MAP3K7CL: variants seen among roughly 807,000 people sequenced by gnomAD.
MAP3K7CL encodes MAP3K7 C-terminal-like protein.
In MAP3K7CL, 16 loss-of-function variants were observed where a neutral mutation model predicts 18.6. That is an observed-to-expected ratio of 0.86 (90% CI 0.58 to 1.31). The LOEUF is 1.31. Ranked by LOEUF, MAP3K7CL falls within the 50% of genes most tolerant of loss-of-function variation. The pLI is 0.00. For synonymous variants in MAP3K7CL, 65 were observed against 66.8 expected, an observed-to-expected ratio of 0.97 and a Z score of 0.13; for missense variants, 163 against 174.4, an observed-to-expected ratio of 0.93 and a Z score of 0.37.
chr21:29,095,193 C>T (rs574092083), intron 4 of MAP3K7CL, among the ~76,000 whole-genome samples: 2 of 151,898 alleles, frequency 1.3e-5, no homozygotes, highest in South Asian at 4.2e-4. Flanking sequence ...CACACCCCTG[C>T]ACCCACATGT....
chr21:29,135,050 C>CAA (rs147529791), intron 2 of MAP3K7CL, among the ~76,000 whole-genome samples: 96 of 117,998 alleles, frequency 8.1e-4, no homozygotes, highest in Non-Finnish European at 1.1e-3. Context: ...GACTCCATCT[C>CAA]AAAAAAAAAA....
intron 4 of MAP3K7CL, among the ~76,000 whole-genome samples, chr21:29,108,659 A>G (rs1404929921): frequency 6.6e-6 from 1 of 152,200 alleles, no homozygotes; most frequent in Non-Finnish European, 1.5e-5. Context: ...CCCCTCTCTG[A>G]GTCCCAGTAT....
At chr21:29,138,326 C>T (rs1180513018) in intron 2 of MAP3K7CL, among the ~76,000 whole-genome samples, 1 of 152,186 alleles carries the variant, frequency 6.6e-6, no homozygotes, top group Non-Finnish European at 1.5e-5. Flanking sequence ...TATTTCTAAA[C>T]TGGAAATTTC....
chr21:29,157,384 C>G (rs2087432985), intron 3 of MAP3K7CL, among the ~76,000 whole-genome samples: 1 of 152,138 alleles, frequency 6.6e-6, no homozygotes, highest in South Asian at 2.1e-4. Context: ...CTATATTGCT[C>G]TTTAATGTTT....
At chr21:29,087,119 G>C (rs1313746465) in intron 1 of MAP3K7CL, among the ~76,000 whole-genome samples, 1 of 152,076 alleles carries the variant, frequency 6.6e-6, no homozygotes, top group East Asian at 1.9e-4. Context: ...TCTCTCTGCT[G>C]GACTTTTTCA....
intron 4 of MAP3K7CL, among the ~76,000 whole-genome samples, chr21:29,162,007 G>T (rs894817447): frequency 6.6e-6 from 1 of 152,102 alleles, no homozygotes; most frequent in African/African-American, 2.4e-5. Context: ...TTCCATGTCT[G>T]ACTATTTTCT....
At chr21:29,123,531 A>G (rs779908687) in intron 4 of MAP3K7CL, among the ~76,000 whole-genome samples, 8 of 152,236 alleles carry the variant, frequency 5.3e-5, no homozygotes, top group East Asian at 1.9e-4. Context: ...TGGGAACTCT[A>G]TAGTTTCTTT....
intron 4 of MAP3K7CL, among the ~76,000 whole-genome samples, chr21:29,166,553 C>T (rs544209335): frequency 1.3e-5 from 2 of 152,288 alleles, no homozygotes; most frequent in East Asian, 1.9e-4. Context: ...TTGGCAGTTA[C>T]GCCCCACTGA....
chr21:29,091,401 A>G (rs1158054676), intron 1 of MAP3K7CL: 2 of 588,376 alleles, frequency 3.4e-6, no homozygotes. Flanking sequence ...AGTTCCCTCC[A>G]TCACAAAATG....
At chr21:29,155,143 C>T (rs1231621444) in intron 3 of MAP3K7CL, among the ~76,000 whole-genome samples, 3 of 152,100 alleles carry the variant, frequency 2.0e-5, no homozygotes, top group Non-Finnish European at 2.9e-5. Flanking sequence ...TCTTAAATAT[C>T]GAAATCAGCA....
intron 4 of MAP3K7CL, among the ~76,000 whole-genome samples, chr21:29,125,258 G>A (rs1047821444): frequency 6.6e-5 from 10 of 152,140 alleles, no homozygotes; most frequent in African/African-American, 1.7e-4. Flanking sequence ...GGAATTTGTG[G>A]CATATAATTT....
chr21:29,123,162 A>G lies in MAP3K7CL; in HGVS notation c.371-26027A>G, dbSNP rs537657995. On this transcript the variant is annotated intron_variant, in intron 4 of 6. Coordinates refer to the MAP3K7CL transcript ENST00000286791. ...ACTGCAACCTCTGCCTCCTGGGTAC[A>G]AGTGATTCCCCTGCCTCAGCCTCTG... Among the ~76,000 whole-genome samples, 44 of 150,868 alleles carry G rather than the reference A, an allele frequency of 2.9e-4. 1 individual carries two copies. The highest frequency in any genetic ancestry group is 9.5e-4 in the African/African-American group (39 of 41,074).
At chr21:29,117,125 ATAATT>A (rs1159556577) in intron 4 of MAP3K7CL, among the ~76,000 whole-genome samples, 4 of 152,094 alleles carry the variant, frequency 2.6e-5, no homozygotes, top group East Asian at 1.9e-4. Context: ...TCTATTTGAC[ATAATT>A]TAATTTAATT....
intron 4 of MAP3K7CL, among the ~76,000 whole-genome samples, chr21:29,118,024 C>T (rs1051814943): frequency 6.6e-6 from 1 of 151,306 alleles, no homozygotes; most frequent in African/African-American, 2.4e-5. Context: ...CAGGGACTGG[C>T]TCCACCTACT....
chr21:29,123,220 G>T (rs979118121), intron 4 of MAP3K7CL, among the ~76,000 whole-genome samples: 2 of 151,826 alleles, frequency 1.3e-5, no homozygotes, highest in African/African-American at 4.8e-5. Context: ...CCACCACCAG[G>T]CCTGGCTAAT....
rs190082306 is a variant in MAP3K7CL, at chr21:29,161,357, C to T, written c.248+1301C>T. The stretch of plus-strand genomic sequence containing the variant: ...TACAGATGGGATCTTGTTATCTTGC[C>T]CAGGCTTGTCTCAAACTTCTGACCT... On this transcript the variant is annotated intron_variant, in intron 4 of 4. Transcript: ENST00000399928. Among the ~76,000 whole-genome samples, 377 of 152,122 alleles carry T rather than the reference C, an allele frequency of 2.5e-3. 3 individuals are homozygous for T. The highest frequency in any genetic ancestry group is 8.3e-3 in the African/African-American group (343 of 41,486).
At chr21:29,145,232 C>T (rs189039512) in intron 2 of MAP3K7CL, among the ~76,000 whole-genome samples, 1 of 152,152 alleles carries the variant, frequency 6.6e-6, no homozygotes, top group East Asian at 1.9e-4. Context: ...TAAAAATGTA[C>T]TTGTGCTGTG....
chr21:29,133,340 C>T lies in MAP3K7CL; in HGVS notation c.-5C>T, dbSNP rs1169525591. On this transcript the variant is annotated 5_prime_UTR_variant, in exon 2 of 5. Coordinates refer to ENST00000399928, the MANE Select transcript of MAP3K7CL (RefSeq NM_001286620.2). ...CCAGGAGAAGGCGGAGGCTCAGGTG[C>T]CCACATGATCAGCACAGCCAGGGTA... The T allele has an allele frequency of 3.2e-6, 5 of 1,550,322 alleles. No individual in the cohort carries two copies. The East Asian group carries it at 1.2e-4, about 38-fold the overall frequency.
At position 29,149,190 on chromosome 21, in the gene MAP3K7CL, T is replaced by C. The variant is rs754885042; in HGVS notation, c.72T>C (p.Asp24=). 7 of 1,613,728 alleles carry C rather than the reference T, an allele frequency of 4.3e-6. No individual in the cohort carries two copies. In the South Asian group the frequency reaches 7.7e-5, roughly 18 times the overall value. The change falls in exon 3 of 5, where the codon GAT becomes GAC. Residue 24 remains aspartate (D), a splice_region_variant and synonymous_variant. Transcript: ENST00000399928. ...AATCATTTTATTTCCTTGTTTTAGA[T>C]GATACACCCCCTGAAGACTCCATTC... ...RIAFSLNDAS[D]DTPPEDSIPL...
Sources: gnomAD v4.1 joint callset for allele counts (sites outside exome capture counted in the v4.1 genomes callset) on GRCh38, gnomAD v4.1.1 for gene constraint, MANE v1.5 for transcripts, NCBI Gene and HGNC (gene_info 2026-07-23, HGNC 2026-07-21) for gene names.